Variants in AFF3 observed in about 807,000 individuals in gnomAD.
AFF3 encodes AF4/FMR2 family member 3.
Under a neutral mutation model 129.7 loss-of-function variants are expected in AFF3, and 32 were observed. That is an observed-to-expected ratio of 0.25 (90% CI 0.19 to 0.33). The LOEUF (loss-of-function observed/expected upper bound fraction) is 0.33, where lower values mean the gene tolerates loss of function less well. Among genes scored for constraint, AFF3 ranks in the 10% least tolerant of loss-of-function variants. The pLI, the probability that AFF3 is intolerant of heterozygous loss-of-function variation, is 1.00. For missense variants in AFF3, 1,373 were observed against 1,592.0 expected (o/e 0.86, Z 2.34); for synonymous variants, 644 against 635.4 (o/e 1.01, Z -0.20).
Position 99,587,291 on chromosome 2 carries a change from A to G in AFF3, c.2467-13T>C, listed in dbSNP as rs1368943019. ...CTTCGTTGTCACACTGTATGGGAATAAACTAAAGTCAATCAGCACTGGATT... is the reference window on the plus strand; with the variant it reads ...CTTCGTTGTCACACTGTATGGGAATGAACTAAAGTCAATCAGCACTGGATT... On this transcript the variant is annotated splice_polypyrimidine_tract_variant and intron_variant, in intron 15 of 24. Coordinates refer to ENST00000672756, the MANE Select transcript of AFF3 (RefSeq NM_001386135.1). The G allele has an allele frequency of 1.9e-6, 3 of 1,613,738 alleles. No homozygotes were observed. In the African/African-American group the frequency reaches 4.0e-5, roughly 22 times the overall value.
chr2:99,782,064 C>T (rs1275342214), intron 8 of AFF3, among the ~76,000 whole-genome samples: 3 of 152,200 alleles, frequency 2.0e-5, no homozygotes, highest in Non-Finnish European at 2.9e-5. Flanking sequence ...TAAAAACGAT[C>T]GCTTCAGAAA....
At chr2:99,872,390 G>C (rs1310774081) in intron 7 of AFF3, among the ~76,000 whole-genome samples, 1 of 151,788 alleles carries the variant, frequency 6.6e-6, no homozygotes, top group African/African-American at 2.4e-5. Flanking sequence ...AAACGATGTG[G>C]AGACAAGCAC....
intron 4 of AFF3, among the ~76,000 whole-genome samples, chr2:100,081,513 G>A (rs1689049891): frequency 6.6e-6 from 1 of 152,072 alleles, no homozygotes; most frequent in South Asian, 2.1e-4. Flanking sequence ...CCTCCACCCT[G>A]CATCCGGCAT....
intron 8 of AFF3, among the ~76,000 whole-genome samples, chr2:99,775,132 C>T (rs1376989974): frequency 6.6e-6 from 1 of 152,186 alleles, no homozygotes; most frequent in East Asian, 1.9e-4. Context: ...TGCTTTTATA[C>T]TGTTGGTGGG....
chr2:99,572,552 T>C (rs1040772450), intron 18 of AFF3: 17 of 454,996 alleles, frequency 3.7e-5, no homozygotes, highest in Middle Eastern at 6.5e-4. Flanking sequence ...CTCAATGTGT[T>C]TGAACAACAA....
At position 99,672,573 on chromosome 2, in the gene AFF3, G is replaced by A. The variant is rs1232476839; in HGVS notation, c.1108C>T (p.Leu370Phe). The change falls in exon 12 of 25, where the codon CTT (leucine) becomes TTT (phenylalanine). Residue 370 changes from leucine to phenylalanine, a missense_variant. Physicochemically the swap from Leu to Phe is conservative, Grantham distance 22 (BLOSUM62 0). Around this residue, in one of 9 missense-constraint regions of AFF3, gnomAD observed 413 missense variants for 424.4 expected, o/e 0.97. Transcript: ENST00000672756. ...TCCTCTTCATCACTGCTTAGCTTAA[G>A]GTCATCTTCCAGCATTCTGAAAGAA... ...TSNTSMLEDDLKLSSDEEENE... is the reference protein window; with the variant it reads ...TSNTSMLEDDFKLSSDEEENE... The A allele has an allele frequency of 3.7e-6, 6 of 1,613,958 alleles. No individual in the cohort carries two copies. The Admixed American group carries it at 5.0e-5, about 13-fold the overall frequency.
intron 4 of AFF3, among the ~76,000 whole-genome samples, chr2:100,036,406 T>C (rs997341057): frequency 9.9e-5 from 15 of 152,240 alleles, no homozygotes; most frequent in Admixed American, 9.2e-4. Context: ...AACTTACTTT[T>C]AGATTTCAGA....
At chr2:99,718,984 C>T (rs972290994) in intron 11 of AFF3, among the ~76,000 whole-genome samples, 1 of 150,884 alleles carries the variant, frequency 6.6e-6, no homozygotes, top group Non-Finnish European at 1.5e-5. Flanking sequence ...ATCTCCTGAC[C>T]TCATGATCCA....
chr2:99,923,364 T>C (rs753479114), intron 7 of AFF3, among the ~76,000 whole-genome samples: 1 of 152,272 alleles, frequency 6.6e-6, no homozygotes, highest in Non-Finnish European at 1.5e-5. Flanking sequence ...TGTTAATTTC[T>C]ACATATTAGC....
At chr2:99,598,471 A>T (rs553199113) in intron 14 of AFF3, among the ~76,000 whole-genome samples, 1 of 152,338 alleles carries the variant, frequency 6.6e-6, no homozygotes, top group Admixed American at 6.5e-5. Flanking sequence ...GGAACATGGC[A>T]TTACCATACT....
At chr2:99,937,088 T>C (rs1194936161) in intron 7 of AFF3, among the ~76,000 whole-genome samples, 1 of 152,118 alleles carries the variant, frequency 6.6e-6, no homozygotes, top group Admixed American at 6.5e-5. Context: ...ACTGGAAGCA[T>C]TTTGGATTTT....
At chr2:99,844,696 A>C (rs1295076502) in intron 7 of AFF3, among the ~76,000 whole-genome samples, 1 of 151,900 alleles carries the variant, frequency 6.6e-6, no homozygotes, top group Non-Finnish European at 1.5e-5. Context: ...CGGCCTCCCA[A>C]AGTGCTGGGA....
intron 11 of AFF3, among the ~76,000 whole-genome samples, chr2:99,724,006 C>A (rs1679136471): frequency 6.6e-6 from 1 of 152,158 alleles, no homozygotes; most frequent in East Asian, 1.9e-4. Context: ...CCTGCTGACA[C>A]CCTGACTGGG....
intron 4 of AFF3, among the ~76,000 whole-genome samples, chr2:100,075,035 A>C (rs1175053801): frequency 6.6e-6 from 1 of 152,196 alleles, no homozygotes; most frequent in Non-Finnish European, 1.5e-5. Flanking sequence ...AATGAGTATA[A>C]ATACAACCAC....
At chr2:99,801,825 G>A (rs1447587393) in intron 8 of AFF3, among the ~76,000 whole-genome samples, 4 of 152,100 alleles carry the variant, frequency 2.6e-5, no homozygotes, top group Admixed American at 2.6e-4. Context: ...GTTATGTGGG[G>A]TCTCTATTAT....
chr2:99,559,023 C>A (rs1675220255), intron 21 of AFF3, 55 bp from the exon 22 acceptor site: 2 of 1,516,630 alleles, frequency 1.3e-6, no homozygotes, highest in Non-Finnish European at 9.2e-7. Flanking sequence ...CGTGCGCAAA[C>A]AAGACTTAAA....
chr2:100,121,602 A>G (rs1185902988), intron 2 of AFF3, among the ~76,000 whole-genome samples: 3 of 152,218 alleles, frequency 2.0e-5, no homozygotes, highest in Non-Finnish European at 4.4e-5. Flanking sequence ...GCTGAATCTT[A>G]AAGGATGAGC....
intron 7 of AFF3, among the ~76,000 whole-genome samples, chr2:99,866,495 A>G (rs1351949472): frequency 6.6e-6 from 1 of 152,158 alleles, no homozygotes; most frequent in African/African-American, 2.4e-5. Flanking sequence ...ACAGGAAAAC[A>G]GCAGCCTGGA....
rs542276595 is a variant in AFF3, at chr2:99,696,605, C to A, written c.1092-24016G>T. On this transcript the variant is annotated intron_variant, in intron 11 of 24. Coordinates refer to ENST00000672756, the MANE Select transcript of AFF3 (RefSeq NM_001386135.1). ...CCAGAGCATGGACTAACAAGCTCTG[C>A]CACATCTTATAGCACAGCATGTGCT... Among the ~76,000 whole-genome samples the A allele has an allele frequency of 2.6e-5, 4 of 152,262 alleles. No individual in the cohort carries two copies. In the East Asian group the frequency reaches 7.7e-4, roughly 29 times the overall value.
Sources: gnomAD v4.1 joint callset for allele counts (sites outside exome capture counted in the v4.1 genomes callset) on GRCh38, gnomAD v4.1.1 for gene constraint, gnomAD v4.1.1 regional missense constraint, MANE v1.5 for transcripts, NCBI Gene and HGNC (gene_info 2026-07-23, HGNC 2026-07-21) for gene names.